HSF5: variants seen among roughly 807,000 people sequenced by gnomAD.
The protein encoded by HSF5 is heat shock transcription factor 5, also known as heat shock factor protein 5.
Under a neutral mutation model 50.8 loss-of-function variants are expected in HSF5, and 5 were observed. The observed-to-expected ratio is 0.10, with a 90% CI of 0.05 to 0.21. The LOEUF (loss-of-function observed/expected upper bound fraction) is 0.21. Among genes scored for constraint, HSF5 ranks in the 10% least tolerant of loss-of-function variants. HSF5 has a pLI of 1.00. For missense variants in HSF5, 564 were observed against 762.6 expected, an observed-to-expected ratio of 0.74 and a Z score of 3.07; for synonymous variants, 307 against 307.4, an observed-to-expected ratio of 1.00 and a Z score of 0.02.
chr17:58,425,575 CAAAAAAAAAAAAAA>C (rs66502039), intron 5 of HSF5, among the ~76,000 whole-genome samples: 1 of 32,990 alleles, frequency 3.0e-5, no homozygotes, highest in East Asian at 1.3e-3. Context: ...ACCTCTATCT[CAAAAAAAAAAAAAA>C]AAAAAAAAAA....
At chr17:58,433,130 C>T (rs2143734155) in intron 5 of HSF5, among the ~76,000 whole-genome samples, 1 of 152,312 alleles carries the variant, frequency 6.6e-6, no homozygotes, top group African/African-American at 2.4e-5. Context: ...TATCCCACCT[C>T]AGCCTTCCGA....
At chr17:58,438,430 T>G (rs1484934415) in intron 5 of HSF5, among the ~76,000 whole-genome samples, 1 of 152,128 alleles carries the variant, frequency 6.6e-6, no homozygotes, top group Non-Finnish European at 1.5e-5. Flanking sequence ...TTCCTGTCAT[T>G]AAGGGATACA....
rs1567909130 is a variant in HSF5, at chr17:58,446,158, G to GAAAAT, written c.1720+12609_1720+12610insATTTT. On this transcript the variant is annotated intron_variant, in intron 5 of 5. Transcript: ENST00000323777. ...ATCTCAAAAAAAAAAAAAAAAAAAG[G>GAAAAT]TTAAAATGGGGCAGAGGCAGAGCAA... 3.1e-3 allele frequency among the ~76,000 whole-genome samples: 459 copies of GAAAAT among 147,358 alleles called. 5 individuals carry two copies. The highest frequency in any genetic ancestry group is 0.011 in the African/African-American group (430 of 38,938).
chr17:58,471,592 T>G (rs2143794375), intron 2 of HSF5, among the ~76,000 whole-genome samples: 1 of 146,378 alleles, frequency 6.8e-6, no homozygotes, highest in South Asian at 2.2e-4. Flanking sequence ...AAATGGATAT[T>G]TTCTTTTTCT....
At chr17:58,448,829 A>C (rs565226889) in intron 5 of HSF5, among the ~76,000 whole-genome samples, 1 of 152,360 alleles carries the variant, frequency 6.6e-6, no homozygotes, top group East Asian at 1.9e-4. Flanking sequence ...GTGATATATA[A>C]ACCACTGATA....
At chr17:58,430,947 G>T (rs956390543) in intron 5 of HSF5, among the ~76,000 whole-genome samples, 1 of 152,122 alleles carries the variant, frequency 6.6e-6, no homozygotes, top group Admixed American at 6.6e-5. Flanking sequence ...GATATAGTTT[G>T]GCTGTCCCCA....
rs531927122 is a variant in HSF5 at position 58,433,500 on chromosome 17, C to T, written c.1721-11070G>A. 3.5e-4 allele frequency among the ~76,000 whole-genome samples: 53 copies of T among 152,094 alleles called. 1 individual carries two copies. In the South Asian group the frequency reaches 9.8e-3, roughly 28 times the overall value. On this transcript the variant is annotated intron_variant, in intron 5 of 5. Transcript: ENST00000323777. The stretch of plus-strand genomic sequence containing the variant: ...AAAAGCATGAGACTGGTTAAGATTA[C>T]CTAGGAATTGAATAGAGAGAGAGAA...
At position 58,450,277 on chromosome 17, in the gene HSF5, T is replaced by C. The variant is rs1318927183; in HGVS notation, c.1720+8491A>G. 2.8e-5 allele frequency among the ~76,000 whole-genome samples: 4 copies of C among 140,994 alleles called. No individual in the cohort carries two copies. In the Admixed American group the frequency reaches 2.9e-4, roughly 10 times the overall value. The allele number at this position is 140,994 out of a possible 152,430, so 92.5% of individuals were successfully genotyped here. A position where few individuals can be genotyped will look rare whatever the true frequency, so the allele number is the denominator to read the frequency against. ...TCATTTGAACCCAGGAGGCAGAGTT[T>C]GCAGTGAGCCAAGATCGCGCCATTG... On this transcript the variant is annotated intron_variant, in intron 5 of 5. Coordinates refer to ENST00000323777, the MANE Select transcript of HSF5 (RefSeq NM_001080439.3).
chr17:58,468,324 G>A (rs1221144061), intron 2 of HSF5, among the ~76,000 whole-genome samples: 2 of 152,174 alleles, frequency 1.3e-5, no homozygotes, highest in Non-Finnish European at 2.9e-5. Context: ...CTTGAGCCCA[G>A]GAGGTAGAGG....
intron 5 of HSF5, among the ~76,000 whole-genome samples, chr17:58,427,853 T>A (rs545980552): frequency 6.6e-6 from 1 of 152,332 alleles, no homozygotes; most frequent in Non-Finnish European, 1.5e-5. Context: ...GAACATCTAA[T>A]ACAAGGTTGG....
chr17:58,452,773 G>A (rs1974658612), intron 5 of HSF5, among the ~76,000 whole-genome samples: 1 of 152,262 alleles, frequency 6.6e-6, no homozygotes, highest in East Asian at 1.9e-4. Flanking sequence ...CCCTCCAGGT[G>A]TGAAATGGCA....
At chr17:58,441,381 G>T (rs964071172) in intron 5 of HSF5, among the ~76,000 whole-genome samples, 2 of 152,132 alleles carry the variant, frequency 1.3e-5, no homozygotes, top group African/African-American at 2.4e-5. Flanking sequence ...TGTTTAAAGG[G>T]AAATGTATAG....
intron 5 of HSF5, among the ~76,000 whole-genome samples, chr17:58,445,355 G>A (rs1184047652): frequency 2.6e-5 from 4 of 152,156 alleles, no homozygotes; most frequent in Non-Finnish European, 5.9e-5. Flanking sequence ...GAGAAAGGAA[G>A]ATTATTTGAG....
At chr17:58,484,129 T>C (rs964882142) in intron 1 of HSF5, among the ~76,000 whole-genome samples, 2 of 151,306 alleles carry the variant, frequency 1.3e-5, no homozygotes, top group Non-Finnish European at 2.9e-5. Flanking sequence ...CACAATTCCC[T>C]AGTGAACCAA....
At chr17:58,445,163 T>A (rs1230175900) in intron 5 of HSF5, among the ~76,000 whole-genome samples, 1 of 152,178 alleles carries the variant, frequency 6.6e-6, no homozygotes, top group Non-Finnish European at 1.5e-5. Flanking sequence ...GTTGGTGGGA[T>A]TATAAAATAG....
chr17:58,425,091 T>C (rs573353058), intron 5 of HSF5, among the ~76,000 whole-genome samples: 5 of 152,004 alleles, frequency 3.3e-5, no homozygotes, highest in Non-Finnish European at 7.4e-5. Flanking sequence ...GCCACTGAAC[T>C]GTATACTTAA....
At chr17:58,458,309 A>C (rs576662804) in intron 5 of HSF5, among the ~76,000 whole-genome samples, 1 of 152,322 alleles carries the variant, frequency 6.6e-6, no homozygotes, top group Non-Finnish European at 1.5e-5. Context: ...GTCATACTTT[A>C]TAGTATCTTT....
At chr17:58,483,019 C>T (rs1197508646) in intron 1 of HSF5, among the ~76,000 whole-genome samples, 1 of 151,960 alleles carries the variant, frequency 6.6e-6, no homozygotes, top group African/African-American at 2.4e-5. Flanking sequence ...ACCTTGAACC[C>T]ACCACTGACA....
intron 5 of HSF5, among the ~76,000 whole-genome samples, chr17:58,447,538 C>T (rs972453990): frequency 9.2e-5 from 14 of 152,148 alleles, no homozygotes; most frequent in African/African-American, 3.4e-4. Context: ...GACAGGAACT[C>T]CTTCAACTTG....
Sources: allele counts gnomAD v4.1 joint callset (sites outside exome capture counted in the v4.1 genomes callset), GRCh38; gene constraint gnomAD v4.1.1; transcripts MANE v1.5; gene names NCBI Gene and HGNC (gene_info 2026-07-23, HGNC 2026-07-21).